Variants in NAT1 observed in about 807,000 individuals in gnomAD.
The protein encoded by NAT1 is N-acetyltransferase 1, also known as arylamine N-acetyltransferase 1.
For synonymous variants in NAT1, 144 were observed against 122.6 expected (o/e 1.17, Z -1.16); for missense variants, 400 against 339.2 (o/e 1.18, Z -1.41).
chr8:18,201,810 G>C (rs1198755464), intron 2 of NAT1, among the ~76,000 whole-genome samples: 1 of 152,168 alleles, frequency 6.6e-6, no homozygotes. Context: ...GGGTATCTAA[G>C]TGCTCTACCT....
intron 1 of NAT1, among the ~76,000 whole-genome samples, chr8:18,217,627 G>C (rs1804816814): frequency 6.6e-6 from 1 of 152,210 alleles, no homozygotes; most frequent in South Asian, 2.1e-4. Flanking sequence ...AAATATGGCT[G>C]TCTGGATCTA....
chr8:18,197,546 C>T (rs1390897470), intron 2 of NAT1, among the ~76,000 whole-genome samples: 3 of 152,184 alleles, frequency 2.0e-5, no homozygotes, highest in East Asian at 1.9e-4. Flanking sequence ...CCCGTCACAA[C>T]AAAGGCTCAT....
At chr8:18,181,140 A>G (rs767199867) in intron 2 of NAT1, among the ~76,000 whole-genome samples, 3 of 152,062 alleles carry the variant, frequency 2.0e-5, no homozygotes, top group Admixed American at 6.6e-5. Flanking sequence ...TTAGCATGGG[A>G]TATCTTTCCA....
chr8:18,196,190 T>A (rs1803225282), intron 2 of NAT1, among the ~76,000 whole-genome samples: 1 of 152,060 alleles, frequency 6.6e-6, no homozygotes. Context: ...TCTCAAGTGA[T>A]CCTCCTGCCT....
chr8:18,208,486 T>C (rs568010177), upstream of NAT1, among the ~76,000 whole-genome samples: 51 of 152,280 alleles, frequency 3.3e-4, no homozygotes, highest in African/African-American at 1.2e-3. Context: ...TAATGATCTA[T>C]CTGAAAAAGA....
chr8:18,189,962 GT>G (rs1055523968), intron 2 of NAT1, among the ~76,000 whole-genome samples: 2 of 152,068 alleles, frequency 1.3e-5, no homozygotes, highest in Non-Finnish European at 2.9e-5. Flanking sequence ...GCTAATTTTT[GT>G]ATTTATAGTA....
chr8:18,174,348 T>G lies in NAT1; in HGVS notation n.92+3609T>G, dbSNP rs562614077. Among the ~76,000 whole-genome samples the G allele has an allele frequency of 2.0e-5, 3 of 152,194 alleles. No individual in the cohort carries two copies. The East Asian group carries it at 5.8e-4, about 29-fold the overall frequency. The stretch of plus-strand genomic sequence containing the variant: ...CCCTTGCTAATGAAGATTAAACACA[T>G]CATTATTTTAGCTTTCCACTCATTC... On this transcript the variant is annotated intron_variant and non_coding_transcript_variant, in intron 2 of 4. Transcript: ENST00000517441.
At chr8:18,191,683 C>T (rs1187365759) in intron 2 of NAT1, among the ~76,000 whole-genome samples, 45 of 151,972 alleles carry the variant, frequency 3.0e-4, no homozygotes, top group African/African-American at 4.4e-4. Flanking sequence ...TCAGAAATAA[C>T]GCCGCATATC....
At chr8:18,181,127 C>A (rs1391824613) in intron 2 of NAT1, among the ~76,000 whole-genome samples, 1 of 151,962 alleles carries the variant, frequency 6.6e-6, no homozygotes, top group East Asian at 1.9e-4. Context: ...TTTTTCCAAT[C>A]CATTAGCATG....
chr8:18,192,950 C>T (rs67929410), intron 2 of NAT1, among the ~76,000 whole-genome samples: 5 of 150,650 alleles, frequency 3.3e-5, no homozygotes, highest in African/African-American at 1.2e-4. Context: ...TGTAACTAAC[C>T]TGCACATTGT....
intron 2 of NAT1, among the ~76,000 whole-genome samples, chr8:18,204,993 G>T (rs1010335514): frequency 2.0e-5 from 3 of 152,170 alleles, no homozygotes; most frequent in African/African-American, 7.2e-5. Context: ...AACTATGGGG[G>T]ACTTGCCTTG....
At chr8:18,182,935 C>T (rs1440861566) in intron 2 of NAT1, among the ~76,000 whole-genome samples, 1 of 152,068 alleles carries the variant, frequency 6.6e-6, no homozygotes, top group African/African-American at 2.4e-5. Context: ...ATCTTATGCA[C>T]CTATTATTAG....
intron 2 of NAT1, among the ~76,000 whole-genome samples, chr8:18,200,614 C>A (rs1803419601): frequency 6.6e-6 from 1 of 152,110 alleles, no homozygotes; most frequent in Admixed American, 6.6e-5. Flanking sequence ...GATGAACTAA[C>A]CTGTACACCA....
chr8:18,206,124 G>T (rs1181542474), upstream of NAT1, among the ~76,000 whole-genome samples: 1 of 152,198 alleles, frequency 6.6e-6, no homozygotes, highest in African/African-American at 2.4e-5. Context: ...TGTGTCTATG[G>T]TGGCTGAAGG....
At chr8:18,201,095 G>T (rs1395951676) in intron 2 of NAT1, 1 of 152,130 alleles carries the variant, frequency 6.6e-6, no homozygotes, top group Non-Finnish European at 1.5e-5. Context: ...AATACTGACA[G>T]CATTATGCCT....
At chr8:18,207,469 T>C (rs978533552), upstream of NAT1, among the ~76,000 whole-genome samples, 1 of 152,200 alleles carries the variant, frequency 6.6e-6, no homozygotes. Flanking sequence ...TATAAATTAC[T>C]TTGGGCAGTA....
chr8:18,194,501 A>T (rs1258078938), intron 2 of NAT1, among the ~76,000 whole-genome samples: 2 of 152,046 alleles, frequency 1.3e-5, no homozygotes, highest in Non-Finnish European at 2.9e-5. Flanking sequence ...CTGTAGACAC[A>T]ATATAAAGCA....
Position 18,222,955 on chromosome 8 carries a change from C to T in NAT1, c.*35C>T, listed in dbSNP as rs1237138085. ...TAAAACAATCTTGTCTATTTGTCAT[C>T]CAGCTCACCAGTTATCAACTGACGA... On this transcript the variant is annotated 3_prime_UTR_variant, in exon 3 of 3. Transcript: ENST00000307719. The T allele has an allele frequency of 6.7e-7, 1 of 1,499,488 alleles. No individual in the cohort carries two copies. The highest frequency in any genetic ancestry group is 8.9e-7 in the Non-Finnish European group (1 of 1,126,794). The allele number at this position is 1,499,488 out of a possible 1,614,324, so 92.9% of individuals were successfully genotyped here. A position where few individuals can be genotyped will look rare whatever the true frequency, so the allele number is the denominator to read the frequency against.
chr8:18,177,544 T>C (rs1197795236), intron 2 of NAT1, among the ~76,000 whole-genome samples: 2 of 152,144 alleles, frequency 1.3e-5, no homozygotes, highest in Non-Finnish European at 2.9e-5. Flanking sequence ...TACTACTAGG[T>C]ATTACATGAA....
Sources: allele counts gnomAD v4.1 joint callset (sites outside exome capture counted in the v4.1 genomes callset), GRCh38; gene constraint gnomAD v4.1.1; transcripts MANE v1.5; gene names NCBI Gene and HGNC (gene_info 2026-07-23, HGNC 2026-07-21).